TEX10: variants seen among roughly 807,000 people sequenced by gnomAD.
The protein encoded by TEX10 is testis-expressed protein 10.
TEX10 carries 24 observed loss-of-function variants against 104.4 expected under a neutral mutation model. The ratio of observed to expected loss-of-function variants is 0.23; its 90% CI spans 0.17 to 0.32. TEX10 has a LOEUF of 0.32. TEX10 is among the 10% of genes least tolerant of loss of function. The pLI, the probability that TEX10 is intolerant of heterozygous loss-of-function variation, is 1.00. For synonymous variants in TEX10, 396 were observed against 393.4 expected, an observed-to-expected ratio of 1.01 and a Z score of -0.08; for missense variants, 921 against 1,083.9, an observed-to-expected ratio of 0.85 and a Z score of 2.11.
intron 5 of TEX10, among the ~76,000 whole-genome samples, chr9:100,334,453 G>GA (rs944857500): frequency 5.3e-5 from 8 of 151,870 alleles, no homozygotes; most frequent in African/African-American, 1.9e-4. Flanking sequence ...TATGGGGGGA[G>GA]AAAAAAACGA....
In TEX10 at chr9:100,328,204, G is replaced by A. The variant is rs1304067774; in HGVS notation, c.1626-242C>T. On this transcript the variant is annotated intron_variant, in intron 7 of 14. Coordinates refer to ENST00000374902, the MANE Select transcript of TEX10 (RefSeq NM_017746.4). ...ATCTAAATTGTATTTTTATTTTGAA[G>A]GATAGAGACACTTAACTATTTATCC... Among the ~76,000 whole-genome samples, 3 of 152,020 alleles carry A rather than the reference G, an allele frequency of 2.0e-5. No individual in the cohort carries two copies. In the East Asian group the frequency reaches 5.8e-4, roughly 29 times the overall value.
In TEX10 at chr9:100,346,195, T is replaced by C; in HGVS notation, c.1014A>G (p.Pro338=). 1 of 1,614,056 alleles carries C rather than the reference T, an allele frequency of 6.2e-7. No individual in the cohort carries two copies. The highest frequency in any genetic ancestry group is 8.5e-7 in the Non-Finnish European group (1 of 1,179,960). The change falls in exon 4 of 15, where the codon CCA becomes CCG. Residue 338 remains proline (P), a synonymous_variant. Transcript: ENST00000374902. Reference sequence around the variant, plus strand: ...CATTCCCAACAGGAGTAGCTAGTTGTGGAGGTACAGCTTCAACCCAGCATT... The same window carrying C: ...CATTCCCAACAGGAGTAGCTAGTTGCGGAGGTACAGCTTCAACCCAGCATT... ...LIECWVEAVP[P]QLATPVGNGI...
rs906801131 is a variant in TEX10, at chr9:100,346,132, A to T, written c.1077T>A (p.Val359=). The stretch of plus-strand genomic sequence containing the variant: ...TCCACAGAAGGGAAATAATATTAAG[A>T]ACTTGCTGCATAACCTGTAGAGGTT... The part of the protein sequence containing the change: ...EREPLQVMQQ[V]LNIISLLWKL... Residue 359 remains valine, a synonymous_variant, in exon 4 of 15, where the codon GTT becomes GTA. Transcript: ENST00000374902. 9 of 1,614,024 alleles carry T rather than the reference A, an allele frequency of 5.6e-6. No homozygotes were observed. The highest frequency in any genetic ancestry group is 7.6e-6 in the Non-Finnish European group (9 of 1,179,944).
At chr9:100,349,123 A>T in intron 2 of TEX10, 61 bp downstream of exon 2, 1 of 1,381,282 alleles carries the variant, frequency 7.2e-7, no homozygotes, top group Non-Finnish European at 9.5e-7. Context: ...TCACAAAAAT[A>T]TAACATTCTA....
At chr9:100,351,177 G>C (rs1371178990) in intron 1 of TEX10, among the ~76,000 whole-genome samples, 4 of 151,896 alleles carry the variant, frequency 2.6e-5, no homozygotes, top group Non-Finnish European at 5.9e-5. Flanking sequence ...GAAAAGTTTG[G>C]AAGTCACGCC....
In TEX10 at chr9:100,320,347, T is replaced by C. The variant is rs768241401; in HGVS notation, c.2120A>G (p.His707Arg). ...AGGGGAAAGCTGTGTCTGGATGACA[T>C]GAGGAACTCCTCGAAGGCTCTGAAG... ...TWLQSLRGVP[H>R]VIQTQLSPVL... The change falls in exon 11 of 15, where the codon CAT (histidine) becomes CGT (arginine). Residue 707 changes from histidine to arginine, a missense_variant. Around this residue, in one of 3 missense-constraint regions of TEX10, gnomAD observed 753 missense variants for 868.4 expected, o/e 0.87. Transcript: ENST00000374902. 6.2e-7 allele frequency: 1 copy of C among 1,613,190 alleles called. No homozygotes were observed. The highest frequency in any genetic ancestry group is 1.1e-5 in the South Asian group (1 of 90,922).
intron 4 of TEX10, among the ~76,000 whole-genome samples, chr9:100,342,372 G>C (rs1041139453): frequency 6.6e-6 from 1 of 152,042 alleles, no homozygotes; most frequent in African/African-American, 2.4e-5. Flanking sequence ...ATACCATGAG[G>C]GCAAGCACCT....
At chr9:100,324,062 T>G (rs1193669981) in intron 9 of TEX10, among the ~76,000 whole-genome samples, 2 of 152,096 alleles carry the variant, frequency 1.3e-5, no homozygotes, top group African/African-American at 2.4e-5. Context: ...AGATGGAGTC[T>G]CCTTCTGTCA....
intron 9 of TEX10, among the ~76,000 whole-genome samples, chr9:100,325,136 A>G (rs542605025): frequency 2.2e-4 from 34 of 152,312 alleles, no homozygotes; most frequent in African/African-American, 8.2e-4. Context: ...TCTGTCCTAT[A>G]CTGGTATGAA....
At chr9:100,341,102 G>A (rs1281614869) in intron 4 of TEX10, among the ~76,000 whole-genome samples, 1 of 152,148 alleles carries the variant, frequency 6.6e-6, no homozygotes, top group African/African-American at 2.4e-5. Context: ...GAGTAGCTGG[G>A]ATTACAGGTG....
At chr9:100,328,042 T>A (rs77110256) in intron 7 of TEX10, 80 bp from the exon 8 acceptor site, 6 of 1,164,520 alleles carry the variant, frequency 5.2e-6, no homozygotes, top group Non-Finnish European at 6.8e-6. Context: ...AATTTTTTTT[T>A]AACTTAAATA....
intron 5 of TEX10, among the ~76,000 whole-genome samples, chr9:100,330,518 T>C (rs1202811403): frequency 6.6e-6 from 1 of 152,346 alleles, no homozygotes; most frequent in East Asian, 1.9e-4. Context: ...TATATTTGGA[T>C]GGAAATCACA....
chr9:100,348,797 G>A (rs1307604980), intron 2 of TEX10, among the ~76,000 whole-genome samples: 3 of 152,076 alleles, frequency 2.0e-5, no homozygotes, highest in Non-Finnish European at 4.4e-5. Context: ...TGCAGCCCCA[G>A]CTACTTGGGA....
chr9:100,320,548 T>C, intron 10 of TEX10, 150 bp from the exon 11 acceptor site: 2 of 860,634 alleles, frequency 2.3e-6, no homozygotes, highest in Non-Finnish European at 3.4e-6. Flanking sequence ...TGCTATATTT[T>C]AAAAAATAAA....
At chr9:100,305,580 C>G (rs1269146862) in intron 13 of TEX10, 2 of 151,928 alleles carry the variant, frequency 1.3e-5, no homozygotes, top group East Asian at 3.9e-4. Flanking sequence ...TTCTACTTTT[C>G]TTAATTTGAG....
intron 13 of TEX10, chr9:100,307,229 G>A (rs1486174193): frequency 6.6e-6 from 1 of 152,206 alleles, no homozygotes; most frequent in Non-Finnish European, 1.5e-5. Context: ...AGAGCAGACT[G>A]AGCAAACTAT....
rs370730420 is a variant in TEX10 at position 100,347,332 on chromosome 9, C to A, written c.255G>T (p.Leu85Phe). The A allele has an allele frequency of 2.5e-6, 4 of 1,613,762 alleles. No homozygotes were observed. The highest frequency in any genetic ancestry group is 1.3e-5 in the African/African-American group (1 of 74,904). ...QSALLGLKDL[L>F]SQYPFIIDAH... is the part of the protein sequence containing the mutation. ...CATCAATTATAAATGGGTATTGAGA[C>A]AAAAGGTCTTTAAGTCCAAGAAGAG... Residue 85 changes from leucine (L) to phenylalanine (F), a missense_variant, in exon 3 of 15, where the codon TTG (leucine) becomes TTT (phenylalanine). By Grantham distance (22) the Leu-to-Phe change is conservative. Transcript: ENST00000374902.
In TEX10 at chr9:100,330,028, T is replaced by C; in HGVS notation, c.1392A>G (p.Val464=). Residue 464 remains valine, a synonymous_variant, in exon 6 of 15, where the codon GTA becomes GTG. Transcript: ENST00000374902. The part of the protein sequence containing the change: ...CSWIEMIRKF[V]TETLEDGSRL... ...TAGAGCCATCTTCAAGGGTCTCTGTTACAAATTTCCTTATCATTTCTATCC... is the reference window on the plus strand; with the variant it reads ...TAGAGCCATCTTCAAGGGTCTCTGTCACAAATTTCCTTATCATTTCTATCC... 6.2e-7 allele frequency: 1 copy of C among 1,614,166 alleles called. No homozygotes were observed.
intron 14 of TEX10, among the ~76,000 whole-genome samples, 198 bp from the exon 15 acceptor site, chr9:100,302,502 T>G (rs1014730435): frequency 1.3e-4 from 20 of 152,192 alleles, no homozygotes; most frequent in African/African-American, 4.8e-4. Context: ...CCTAGTTATA[T>G]CCTCAAATGC....
Sources: allele counts gnomAD v4.1 joint callset (sites outside exome capture counted in the v4.1 genomes callset), GRCh38; gene constraint gnomAD v4.1.1; regional missense constraint gnomAD v4.1.1; transcripts MANE v1.5; gene names NCBI Gene and HGNC (gene_info 2026-07-23, HGNC 2026-07-21).